CALCRL: variants seen among roughly 807,000 people sequenced by gnomAD.
The protein encoded by CALCRL is calcitonin gene-related peptide type 1 receptor.
In CALCRL, 27 loss-of-function variants were observed where a neutral mutation model predicts 60.4. The observed-to-expected ratio is 0.45, with a 90% CI of 0.33 to 0.62. The LOEUF is 0.62. Ranked by LOEUF, CALCRL falls within the 20% of genes least tolerant of loss-of-function variation. The probability of loss-of-function intolerance (pLI) is 0.03; values close to 1 mark genes in which losing one functional copy is unlikely to be tolerated. For synonymous variants in CALCRL, 190 were observed against 182.6 expected, an observed-to-expected ratio of 1.04 and a Z score of -0.33; for missense variants, 424 against 540.7, an observed-to-expected ratio of 0.78 and a Z score of 2.14.
chr2:187,436,248 C>T (rs1690639546), intron 1 of CALCRL, among the ~76,000 whole-genome samples: 1 of 152,140 alleles, frequency 6.6e-6, no homozygotes, highest in African/African-American at 2.4e-5. Context: ...AACACTATGT[C>T]AGGGCACACA....
intron 8 of CALCRL, among the ~76,000 whole-genome samples, chr2:187,377,750 A>G (rs1687818676): frequency 6.6e-6 from 1 of 152,170 alleles, no homozygotes; most frequent in African/African-American, 2.4e-5. Flanking sequence ...ACTTTTGTAC[A>G]CCTACTAAAT....
At chr2:187,403,105 A>G (rs1688964414) in intron 1 of CALCRL, among the ~76,000 whole-genome samples, 1 of 151,764 alleles carries the variant, frequency 6.6e-6, no homozygotes. Context: ...AGAAATGTAA[A>G]AAATAAATGT....
At chr2:187,363,580 C>A in intron 8 of CALCRL, 78 bp from the exon 9 acceptor site, 1 of 1,344,924 alleles carries the variant, frequency 7.4e-7, no homozygotes, top group Non-Finnish European at 1.0e-6. Context: ...AGATACATTC[C>A]CAATTCATAG....
At position 187,372,671 on chromosome 2, in the gene CALCRL, C is replaced by G. The variant is rs1011186440; in HGVS notation, c.500+6269G>C. ...GGGTGGGTCAGTGACCCTCAATTAC[C>G]AAAGAAGAGGAAAAAAGTTTCCCAT... On this transcript the variant is annotated intron_variant, in intron 8 of 14. Transcript: ENST00000392370. 9.2e-5 allele frequency among the ~76,000 whole-genome samples: 14 copies of G among 152,060 alleles called. No individual in the cohort carries two copies. In the East Asian group the frequency reaches 2.5e-3, roughly 27 times the overall value.
chr2:187,430,206 A>G (rs946436092), intron 1 of CALCRL, among the ~76,000 whole-genome samples: 10 of 152,206 alleles, frequency 6.6e-5, no homozygotes, highest in African/African-American at 2.4e-4. Flanking sequence ...ATGAAAGGAC[A>G]GAACAACAAT....
At chr2:187,349,175 A>G (rs1169667298) in intron 14 of CALCRL, among the ~76,000 whole-genome samples, 2 of 151,666 alleles carry the variant, frequency 1.3e-5, no homozygotes, top group Non-Finnish European at 3.0e-5. Flanking sequence ...GTTGTTAAAT[A>G]TAACCTTCTG....
At chr2:187,373,380 TA>T (rs1253789756) in intron 8 of CALCRL, among the ~76,000 whole-genome samples, 4 of 152,182 alleles carry the variant, frequency 2.6e-5, no homozygotes, top group African/African-American at 9.7e-5. Flanking sequence ...CTTCTGGTCA[TA>T]AAAAAATCTT....
chr2:187,398,245 G>C (rs1421874197), intron 1 of CALCRL, among the ~76,000 whole-genome samples: 1 of 151,628 alleles, frequency 6.6e-6, no homozygotes, highest in South Asian at 2.1e-4. Flanking sequence ...TTTGGAATGA[G>C]AGCCTTATAC....
intron 1 of CALCRL, among the ~76,000 whole-genome samples, chr2:187,403,358 G>A (rs953684391): frequency 1.3e-5 from 2 of 151,774 alleles, no homozygotes; most frequent in Non-Finnish European, 2.9e-5. Flanking sequence ...CCTGAGTGCA[G>A]TTCTCACATC....
intron 8 of CALCRL, among the ~76,000 whole-genome samples, chr2:187,378,036 G>A (rs1366407267): frequency 1.3e-5 from 2 of 149,758 alleles, no homozygotes; most frequent in African/African-American, 4.9e-5. Flanking sequence ...AAGAGGAGGA[G>A]GAGGAGGAAA....
chr2:187,380,062 C>T (rs1687922053), intron 7 of CALCRL, among the ~76,000 whole-genome samples: 1 of 152,178 alleles, frequency 6.6e-6, no homozygotes, highest in South Asian at 2.1e-4. Flanking sequence ...GAATGAGATC[C>T]TTCTGCTGAG....
At chr2:187,373,584 A>G (rs937048033) in intron 8 of CALCRL, among the ~76,000 whole-genome samples, 1 of 152,320 alleles carries the variant, frequency 6.6e-6, no homozygotes, top group African/African-American at 2.4e-5. Context: ...CATACCTACC[A>G]GGGCTAAATA....
In CALCRL at chr2:187,352,136, A is replaced by G; in HGVS notation, c.1106T>C (p.Met369Thr). 1 of 1,612,328 alleles carries G rather than the reference A, an allele frequency of 6.2e-7. No homozygotes were observed. Among genetic ancestry groups the G allele is most frequent in the Non-Finnish European group, 8.5e-7 (1 of 1,178,814 alleles). ...KIAEEVYDYI[M>T]HILMHFQGLL... ...TACCTGGAAGTGCATAAGGATGTGCATGATGTAGTCATATACCTCCTCTGC... is the reference window on the plus strand; with the variant it reads ...TACCTGGAAGTGCATAAGGATGTGCGTGATGTAGTCATATACCTCCTCTGC... The change falls in exon 13 of 15, where the codon ATG (methionine) becomes ACG (threonine). Residue 369 changes from methionine (M) to threonine (T), a missense_variant. This residue lies in a region of CALCRL where 222 missense variants were observed against 265.6 expected (regional missense o/e 0.84). Coordinates refer to ENST00000392370, the MANE Select transcript of CALCRL (RefSeq NM_005795.6).
chr2:187,406,297 T>C (rs1689123180), intron 1 of CALCRL, among the ~76,000 whole-genome samples: 1 of 152,078 alleles, frequency 6.6e-6, no homozygotes, highest in Non-Finnish European at 1.5e-5. Flanking sequence ...GCTGTAATAT[T>C]GCATATATTT....
At chr2:187,412,877 TG>T (rs1689425502) in intron 1 of CALCRL, among the ~76,000 whole-genome samples, 1 of 152,224 alleles carries the variant, frequency 6.6e-6, no homozygotes, top group African/African-American at 2.4e-5. Flanking sequence ...TTTTATTGAT[TG>T]TTTTCTCTCA....
At chr2:187,352,090 G>C (rs779595042) in intron 13 of CALCRL, 24 bp downstream of exon 13, 2 of 1,599,076 alleles carry the variant, frequency 1.3e-6, no homozygotes, top group Admixed American at 1.7e-5. Flanking sequence ...TTCTCAAGCT[G>C]CCTTCTTATC....
At chr2:187,384,668 GT>G (rs1459175925) in intron 4 of CALCRL, among the ~76,000 whole-genome samples, 1 of 151,972 alleles carries the variant, frequency 6.6e-6, no homozygotes, top group Non-Finnish European at 1.5e-5. Flanking sequence ...ATGTAGTCTT[GT>G]TTTTTTGTTT....
Position 187,373,033 on chromosome 2 carries a change from A to G in CALCRL, c.500+5907T>C, listed in dbSNP as rs543680407. ...CCTTTCTTTGTTGATGGAGACAAATAAGGCCAGACAATCTTAAGGGACATG... is the reference window on the plus strand; with the variant it reads ...CCTTTCTTTGTTGATGGAGACAAATGAGGCCAGACAATCTTAAGGGACATG... On this transcript the variant is annotated intron_variant, in intron 8 of 14. Coordinates refer to ENST00000392370, the MANE Select transcript of CALCRL (RefSeq NM_005795.6). Among the ~76,000 whole-genome samples, 43 of 152,296 alleles carry G rather than the reference A, an allele frequency of 2.8e-4. No individual in the cohort carries two copies. The South Asian group carries it at 8.1e-3, about 29-fold the overall frequency.
intron 1 of CALCRL, among the ~76,000 whole-genome samples, chr2:187,424,224 C>T (rs1400485016): frequency 6.6e-6 from 1 of 151,992 alleles, no homozygotes; most frequent in Non-Finnish European, 1.5e-5. Flanking sequence ...CAAGCTTTAC[C>T]CTCCTTTAAA....
Sources: gnomAD v4.1 joint callset for allele counts (sites outside exome capture counted in the v4.1 genomes callset) on GRCh38, gnomAD v4.1.1 for gene constraint, gnomAD v4.1.1 regional missense constraint, MANE v1.5 for transcripts, NCBI Gene and HGNC (gene_info 2026-07-23, HGNC 2026-07-21) for gene names.